KCNH5: variants seen among roughly 807,000 people sequenced by gnomAD.
The protein encoded by KCNH5 is potassium voltage-gated channel subfamily H member 5, also known as voltage-gated delayed rectifier potassium channel KCNH5.
KCNH5 carries 46 observed loss-of-function variants against 96.1 expected under a neutral mutation model. The observed-to-expected ratio is 0.48, with a 90% CI of 0.38 to 0.61. KCNH5 has a LOEUF of 0.61. Ranked by LOEUF, KCNH5 falls within the 20% of genes least tolerant of loss-of-function variation. The pLI is 0.00. For synonymous variants in KCNH5, 439 were observed against 449.8 expected (o/e 0.98, Z 0.30); for missense variants, 907 against 1,225.8 (o/e 0.74, Z 3.88).
intron 7 of KCNH5, among the ~76,000 whole-genome samples, chr14:62,908,002 C>T (rs548222681): frequency 1.3e-5 from 2 of 152,280 alleles, no homozygotes; most frequent in South Asian, 2.1e-4. Context: ...GTCTCCTTGA[C>T]TCTCCATTAT....
At chr14:62,944,902 G>A (rs1889857208) in intron 7 of KCNH5, among the ~76,000 whole-genome samples, 1 of 151,832 alleles carries the variant, frequency 6.6e-6, no homozygotes, top group South Asian at 2.1e-4. Flanking sequence ...GTCAAAAATT[G>A]GTATACAAAC....
At chr14:62,709,348 G>A (rs1884521071) in intron 10 of KCNH5, among the ~76,000 whole-genome samples, 3 of 151,972 alleles carry the variant, frequency 2.0e-5, no homozygotes, top group South Asian at 4.1e-4. Flanking sequence ...CATCTGGGTT[G>A]GGTGAGGGGA....
At chr14:62,872,661 C>T (rs1888280726) in intron 7 of KCNH5, among the ~76,000 whole-genome samples, 1 of 152,148 alleles carries the variant, frequency 6.6e-6, no homozygotes. Flanking sequence ...CCACTGCACT[C>T]CAGCCTGGGC....
At chr14:62,899,145 A>T (rs940928972) in intron 7 of KCNH5, among the ~76,000 whole-genome samples, 2 of 152,188 alleles carry the variant, frequency 1.3e-5, no homozygotes, top group African/African-American at 4.8e-5. Flanking sequence ...GCATTCAGGA[A>T]TGTTAACAAA....
Position 62,705,088 on chromosome 14 carries a change from A to C in KCNH5, c.*2420T>G, listed in dbSNP as rs1884405141. 6.6e-6 allele frequency: 1 copy of C among 151,980 alleles called. No individual in the cohort carries two copies. Among genetic ancestry groups the C allele is most frequent in the Non-Finnish European group, 1.5e-5 (1 of 67,848 alleles). The allele number at this position is 151,980 out of a possible 1,614,324, so 9.4% of individuals were successfully genotyped here. On this transcript the variant is annotated 3_prime_UTR_variant, in exon 11 of 11. Transcript: ENST00000322893. The stretch of plus-strand genomic sequence containing the variant: ...ATTGATACTTTCCCTCCTTCCTAAC[A>C]ATCTGGAGTAATTCAAAACCATTAT...
At chr14:62,853,310 T>C (rs1047786772) in intron 7 of KCNH5, among the ~76,000 whole-genome samples, 1 of 151,818 alleles carries the variant, frequency 6.6e-6, no homozygotes, top group East Asian at 1.9e-4. Context: ...ACTTTAAAAT[T>C]ACACTGGAAT....
intron 10 of KCNH5, among the ~76,000 whole-genome samples, chr14:62,708,711 G>A (rs1884498880): frequency 6.6e-6 from 1 of 151,986 alleles, no homozygotes; most frequent in Non-Finnish European, 1.5e-5. Context: ...CATATCAGAG[G>A]GAGAATTACT....
At chr14:63,003,624 A>ATATATATATATATTTT (rs1491457497) in intron 3 of KCNH5, among the ~76,000 whole-genome samples, 1 of 92,818 alleles carries the variant, frequency 1.1e-5, no homozygotes, top group South Asian at 2.9e-4. Context: ...ATATATATAT[A>ATATATATATATATTTT]TTTTTTTTTT....
rs76346416 is a variant in KCNH5 at position 62,707,246 on chromosome 14, C to T, written c.*262G>A. ...ATTGCCTTGGGTAACAAAAATCATACTCTTTTATTATAGAATAGAGATTAT... is the reference window on the plus strand; with the variant it reads ...ATTGCCTTGGGTAACAAAAATCATATTCTTTTATTATAGAATAGAGATTAT... On this transcript the variant is annotated 3_prime_UTR_variant, in exon 11 of 11. Coordinates refer to ENST00000322893, the MANE Select transcript of KCNH5 (RefSeq NM_139318.5). 1.0e-5 allele frequency: 2 copies of T among 197,850 alleles called. No individual in the cohort carries two copies. Among genetic ancestry groups the T allele is most frequent in the Non-Finnish European group, 2.0e-5 (2 of 99,610 alleles). The allele number at this position is 197,850 out of a possible 1,614,324, so 12.3% of individuals were successfully genotyped here. A position where few individuals can be genotyped will look rare whatever the true frequency, so the allele number is the denominator to read the frequency against.
chr14:62,843,980 A>G (rs993958516), intron 8 of KCNH5, among the ~76,000 whole-genome samples: 2 of 152,156 alleles, frequency 1.3e-5, no homozygotes, highest in Admixed American at 1.3e-4. Flanking sequence ...AAATATATAT[A>G]TTGCCTACTG....
At chr14:62,818,102 CTGGGGG>C (rs1887030949) in intron 8 of KCNH5, among the ~76,000 whole-genome samples, 2 of 9,848 alleles carry the variant, frequency 2.0e-4, no homozygotes, top group Non-Finnish European at 4.5e-4. Context: ...CTACCAGGAG[CTGGGGG>C]CGGGGGGGGG....
intron 8 of KCNH5, 53 bp downstream of exon 8, chr14:62,849,600 A>G: frequency 1.4e-6 from 2 of 1,451,302 alleles, no homozygotes; most frequent in Non-Finnish European, 1.9e-6. Context: ...AGCTTAATGC[A>G]TCTGAAGATC....
intron 7 of KCNH5, among the ~76,000 whole-genome samples, chr14:62,941,991 T>C (rs1227415728): frequency 2.0e-5 from 3 of 152,182 alleles, no homozygotes; most frequent in Admixed American, 6.5e-5. Context: ...AAAACACTTC[T>C]CTTTCCAAAA....
chr14:63,001,390 A>G lies in KCNH5; in HGVS notation c.374T>C (p.Leu125Pro), dbSNP rs1891008194. ...CAACGTAATATCCTTGAAAGTACAC[A>G]GGAACAAGACCACCTTTTCATGTTC... ...RNEHEKVVLFLCTFKDITLFK... is the reference protein window; with the variant it reads ...RNEHEKVVLFPCTFKDITLFK... Residue 125 changes from leucine to proline, a missense_variant, in exon 4 of 11, where the codon CTG becomes CCG. Physicochemically the swap from Leu to Pro is moderately conservative, Grantham distance 98. Transcript: ENST00000322893. 6.2e-7 allele frequency: 1 copy of G among 1,612,944 alleles called. No homozygotes were observed. Among genetic ancestry groups the G allele is most frequent in the Non-Finnish European group, 8.5e-7 (1 of 1,179,508 alleles).
At chr14:62,817,271 T>TAC (rs1371784550) in intron 8 of KCNH5, among the ~76,000 whole-genome samples, 9 of 129,678 alleles carry the variant, frequency 6.9e-5, no homozygotes, top group Non-Finnish European at 9.6e-5. Context: ...AATATATATA[T>TAC]ATACACACAC....
In KCNH5 at chr14:62,849,838, T is replaced by A. The variant is rs1215542155; in HGVS notation, c.1384A>T (p.Thr462Ser). 1 of 1,612,768 alleles carries A rather than the reference T, an allele frequency of 6.2e-7. No individual in the cohort carries two copies. The highest frequency in any genetic ancestry group is 2.2e-5 in the East Asian group (1 of 44,828). ...MMMVGSLLYA[T>S]IFGNVTTIFQ... is the part of the protein sequence containing the mutation. ...ATTGTTGTAACATTTCCAAAAATAG[T>A]TGCATAAAGAAGAGCTGAAAGAGAA... Residue 462 changes from threonine to serine, a missense_variant, in exon 8 of 11, where the codon ACT (threonine) becomes TCT (serine). This residue lies in a region of KCNH5 where 3 missense variants were observed against 24.4 expected (regional missense o/e 0.12). Transcript: ENST00000322893.
At chr14:62,799,391 T>A (rs1028382097) in intron 9 of KCNH5, among the ~76,000 whole-genome samples, 11 of 151,504 alleles carry the variant, frequency 7.3e-5, no homozygotes, top group South Asian at 4.2e-4. Flanking sequence ...AGCCTCAACA[T>A]GGAGAAACCC....
At chr14:62,895,094 G>T (rs1888784147) in intron 7 of KCNH5, among the ~76,000 whole-genome samples, 1 of 152,128 alleles carries the variant, frequency 6.6e-6, no homozygotes, top group Non-Finnish European at 1.5e-5. Context: ...ATTCCCATGT[G>T]CTCAATTAAC....
At chr14:62,958,170 G>A (rs1464118975) in intron 6 of KCNH5, among the ~76,000 whole-genome samples, 1 of 152,124 alleles carries the variant, frequency 6.6e-6, no homozygotes, top group Non-Finnish European at 1.5e-5. Context: ...CAATTGTTGG[G>A]TGTTATTTAT....
Sources: gnomAD v4.1 joint callset for allele counts (sites outside exome capture counted in the v4.1 genomes callset) on GRCh38, gnomAD v4.1.1 for gene constraint, gnomAD v4.1.1 regional missense constraint, MANE v1.5 for transcripts, NCBI Gene and HGNC (gene_info 2026-07-23, HGNC 2026-07-21) for gene names.